SLIT1: variants seen among roughly 807,000 people sequenced by gnomAD.
The protein encoded by SLIT1 is slit guidance ligand 1, also known as slit homolog 1 protein.
A neutral mutation model predicts 186.1 loss-of-function variants in SLIT1; 66 were observed. The ratio of observed to expected loss-of-function variants is 0.35; its 90% CI spans 0.29 to 0.44. The LOEUF is 0.44. SLIT1 is among the 20% of genes least tolerant of loss of function. The pLI is 1.00. For missense variants in SLIT1, 1,638 were observed against 2,037.4 expected (o/e 0.80, Z 3.77); for synonymous variants, 761 against 833.8 (o/e 0.91, Z 1.50).
chr10:97,142,446 T>C (rs1849776004), intron 4 of SLIT1, among the ~76,000 whole-genome samples: 1 of 152,220 alleles, frequency 6.6e-6, no homozygotes, highest in African/African-American at 2.4e-5. Context: ...TGGACCCTTA[T>C]CTGATACCAT....
Position 97,001,042 on chromosome 10 carries a change from G to A in SLIT1, c.*70C>T. The A allele has an allele frequency of 7.7e-7, 1 of 1,298,522 alleles. No individual in the cohort carries two copies. Among genetic ancestry groups the A allele is most frequent in the Non-Finnish European group, 1.1e-6 (1 of 912,126 alleles). 80.4% of individuals were successfully genotyped at this position (1,298,522 alleles called of 1,614,324 possible). A position where few individuals can be genotyped will look rare whatever the true frequency, so the allele number is the denominator to read the frequency against. ...TGACCTGCACCCCAGCCCAGCTGCT[G>A]GCGACTGTCTCCGCTGCTGCAGCGG... On this transcript the variant is annotated 3_prime_UTR_variant, in exon 37 of 37. Transcript: ENST00000266058.
intron 4 of SLIT1, among the ~76,000 whole-genome samples, chr10:97,077,893 G>A (rs1849060459): frequency 6.6e-6 from 1 of 152,254 alleles, no homozygotes; most frequent in Admixed American, 6.5e-5. Context: ...GATCACTGGA[G>A]CCTAGGAATT....
At chr10:97,059,947 A>C in intron 10 of SLIT1, 140 bp downstream of exon 10, 1 of 754,186 alleles carries the variant, frequency 1.3e-6, no homozygotes. Flanking sequence ...AAGCAGCCTG[A>C]AGGGCAGGAA....
rs771528560 is a variant in SLIT1 at position 97,043,622 on chromosome 10, G to C, written c.1854-109C>G. On this transcript the variant is annotated intron_variant, in intron 18 of 36. Transcript: ENST00000266058. The surrounding 1 kb of genome is among the most constrained non-coding windows in gnomAD (Gnocchi z 7.0). ...GCTCGTTCACAGTTCTCCTCCATAG[G>C]CTGCGAGCCGCAGAGCCAGGAACAC... 2.1e-5 allele frequency: 22 copies of C among 1,069,028 alleles called. No homozygotes were observed. The highest frequency in any genetic ancestry group is 3.0e-5 in the Non-Finnish European group (22 of 734,892). 66.2% of individuals were successfully genotyped at this position (1,069,028 alleles called of 1,614,324 possible).
At chr10:97,154,687 CT>C (rs1387738902) in intron 4 of SLIT1, 1 of 152,244 alleles carries the variant, frequency 6.6e-6, no homozygotes, top group Non-Finnish European at 1.5e-5. Context: ...CCTGGGACCA[CT>C]GCAATGAGGA....
intron 4 of SLIT1, among the ~76,000 whole-genome samples, chr10:97,141,620 C>T (rs1037491136): frequency 6.6e-6 from 1 of 152,186 alleles, no homozygotes; most frequent in African/African-American, 2.4e-5. Context: ...AGACTATACT[C>T]TTTTAGCCAC....
chr10:97,113,495 C>T (rs528481499), intron 4 of SLIT1, among the ~76,000 whole-genome samples: 2 of 151,904 alleles, frequency 1.3e-5, no homozygotes, highest in South Asian at 2.1e-4. Flanking sequence ...ACCTCAGCCT[C>T]CCAAAGTGCT....
intron 1 of SLIT1, among the ~76,000 whole-genome samples, chr10:97,175,827 A>C (rs1850249351): frequency 6.7e-6 from 1 of 150,214 alleles, no homozygotes; most frequent in Non-Finnish European, 1.5e-5. Context: ...CTGCACCACC[A>C]CCTCCCTGAA....
chr10:97,073,558 T>A (rs1427378047), intron 4 of SLIT1, among the ~76,000 whole-genome samples: 32 of 151,730 alleles, frequency 2.1e-4, no homozygotes, highest in Admixed American at 2.1e-3. Flanking sequence ...ATCCCCAGAG[T>A]CAGACCCAGG....
At chr10:97,064,500 C>T (rs375869588) in intron 6 of SLIT1, among the ~76,000 whole-genome samples, 25 of 152,208 alleles carry the variant, frequency 1.6e-4, no homozygotes, top group East Asian at 1.4e-3. Context: ...GGTGATGGGA[C>T]GCGTCCCAGG....
Position 97,051,670 on chromosome 10 carries a change from G to A in SLIT1, c.1302-2552C>T, listed in dbSNP as rs141241104. On this transcript the variant is annotated intron_variant, in intron 13 of 36. Coordinates refer to ENST00000266058, the MANE Select transcript of SLIT1 (RefSeq NM_003061.3). ...ACTAAAAATACAAAAAGAATTAGCC[G>A]GGCATGGTGGTGGGCACCTGTAATC... is the stretch of plus-strand genomic sequence containing the variant. 6.2e-3 allele frequency among the ~76,000 whole-genome samples: 936 copies of A among 152,162 alleles called. 30 individuals carry two copies. Among genetic ancestry groups the A allele is most frequent in the Admixed American group, 0.056 (850 of 15,274 alleles).
chr10:97,044,650 AGT>A (rs1848719451), intron 18 of SLIT1, among the ~76,000 whole-genome samples: 1 of 152,194 alleles, frequency 6.6e-6, no homozygotes, highest in Admixed American at 6.5e-5. Flanking sequence ...GATCTCTGAG[AGT>A]GTGAGTGACT....
chr10:97,089,298 G>A (rs1046439250), intron 4 of SLIT1, among the ~76,000 whole-genome samples: 1 of 152,268 alleles, frequency 6.6e-6, no homozygotes, highest in Non-Finnish European at 1.5e-5. Context: ...CCACGACTGG[G>A]GGTGAGGCTC....
chr10:97,013,597 T>A, intron 30 of SLIT1, 144 bp downstream of exon 30: 1 of 655,666 alleles, frequency 1.5e-6, no homozygotes, highest in Non-Finnish European at 2.7e-6. Context: ...CAACCCCGCA[T>A]GGATTCTCAG....
At chr10:97,149,243 C>G (rs897636718) in intron 4 of SLIT1, among the ~76,000 whole-genome samples, 16 of 152,224 alleles carry the variant, frequency 1.1e-4, no homozygotes, top group African/African-American at 3.9e-4. Flanking sequence ...GCCGGCCGCC[C>G]TCTTCCCGGA....
At chr10:97,064,321 G>T (rs1848923318) in intron 6 of SLIT1, 82 bp from the exon 7 acceptor site, 2 of 1,158,106 alleles carry the variant, frequency 1.7e-6, no homozygotes. Context: ...AACGAACAGG[G>T]AGGCTCTCGA....
At position 97,043,157 on chromosome 10, in the gene SLIT1, C is replaced by A; in HGVS notation, c.1998-90G>T. On this transcript the variant is annotated intron_variant, in intron 19 of 36. Transcript: ENST00000266058. The surrounding 1 kb of genome is among the most constrained non-coding windows in gnomAD (Gnocchi z 7.0). Reference sequence around the variant, plus strand: ...CTCCTGTACCACGGACACAGGGCCACATGGCCACATGGCACTGTCTCCCAG... The same window carrying A: ...CTCCTGTACCACGGACACAGGGCCAAATGGCCACATGGCACTGTCTCCCAG... The A allele has an allele frequency of 1.4e-6, 2 of 1,406,872 alleles. No homozygotes were observed. Among genetic ancestry groups the A allele is most frequent in the South Asian group, 1.3e-5 (1 of 76,508 alleles). The allele number at this position is 1,406,872 out of a possible 1,614,324, so 87.1% of individuals were successfully genotyped here.
rs922176562 is a variant in SLIT1 at position 97,004,949 on chromosome 10, C to T, written c.3580-126G>A. The T allele has an allele frequency of 2.7e-6, 3 of 1,118,570 alleles. No homozygotes were observed. In the African/African-American group the frequency reaches 4.6e-5, roughly 17 times the overall value. 69.3% of individuals were successfully genotyped at this position (1,118,570 alleles called of 1,614,324 possible). Reference sequence around the variant, plus strand: ...CTCTGTGCAGAGCGCTCTTCCCCCACCTGGCCAGCCTCCCCAAGGCCATTC... The same window carrying T: ...CTCTGTGCAGAGCGCTCTTCCCCCATCTGGCCAGCCTCCCCAAGGCCATTC... On this transcript the variant is annotated intron_variant, in intron 32 of 36. Coordinates refer to ENST00000266058, the MANE Select transcript of SLIT1 (RefSeq NM_003061.3). This position sits in a 1 kb window ranked among gnomAD's most constrained non-coding sequence, Gnocchi z 5.1.
At chr10:97,011,308 A>G (rs1848408645) in intron 30 of SLIT1, among the ~76,000 whole-genome samples, 178 bp from the exon 31 acceptor site, 1 of 152,128 alleles carries the variant, frequency 6.6e-6, no homozygotes, top group Non-Finnish European at 1.5e-5. Context: ...AAGGGCCCCT[A>G]GCCCATCCTG....
Sources: gnomAD v4.1 joint callset for allele counts (sites outside exome capture counted in the v4.1 genomes callset) on GRCh38, gnomAD v4.1.1 for gene constraint, Gnocchi (gnomAD v3.1) non-coding constraint, MANE v1.5 for transcripts, NCBI Gene and HGNC (gene_info 2026-07-23, HGNC 2026-07-21) for gene names.